The following RTN1 variants were observed in gnomAD, a reference collection of about 807,000 sequenced individuals.
RTN1 encodes the protein reticulon-1.
Under a neutral mutation model 65.5 loss-of-function variants are expected in RTN1, and 25 were observed. That is an observed-to-expected ratio of 0.38 (90% CI 0.28 to 0.53). The LOEUF is 0.53. Ranked by LOEUF, RTN1 falls within the 20% of genes least tolerant of loss-of-function variation. The pLI is 0.79. For synonymous variants in RTN1, 471 were observed against 447.6 expected (o/e 1.05, Z -0.66); for missense variants, 983 against 1,025.4 (o/e 0.96, Z 0.57).
chr14:59,812,163 G>T (rs1017290792), intron 1 of RTN1, among the ~76,000 whole-genome samples: 4 of 152,172 alleles, frequency 2.6e-5, no homozygotes, highest in African/African-American at 9.6e-5. Context: ...TCCTCAATGT[G>T]CAGTCAGTTC....
At chr14:59,627,794 C>G (rs1356366201) in intron 3 of RTN1, among the ~76,000 whole-genome samples, 1 of 146,672 alleles carries the variant, frequency 6.8e-6, no homozygotes, top group Non-Finnish European at 1.5e-5. Flanking sequence ...GTGGAGTCTT[C>G]ATGAAATATT....
At chr14:59,736,908 C>CA (rs1885012917) in intron 2 of RTN1, among the ~76,000 whole-genome samples, 1 of 152,134 alleles carries the variant, frequency 6.6e-6, no homozygotes, top group African/African-American at 2.4e-5. Context: ...GATCTAAAGA[C>CA]AAAACCACAT....
At chr14:59,859,263 G>A (rs759716441) in intron 1 of RTN1, among the ~76,000 whole-genome samples, 3 of 152,190 alleles carry the variant, frequency 2.0e-5, no homozygotes, top group Non-Finnish European at 4.4e-5. Context: ...ATTGAATCAT[G>A]GGGCAGGTCT....
rs1048901497 is a variant in RTN1 at position 59,846,322 on chromosome 14, A to C, written c.241+24068T>G. 3.9e-5 allele frequency among the ~76,000 whole-genome samples: 6 copies of C among 152,116 alleles called. No homozygotes were observed. Among genetic ancestry groups the C allele is most frequent in the African/African-American group, 1.2e-4 (5 of 41,418 alleles). On this transcript the variant is annotated intron_variant, in intron 1 of 8. Coordinates refer to ENST00000267484, the MANE Select transcript of RTN1 (RefSeq NM_021136.3). This position sits in a 1 kb window ranked among gnomAD's most constrained non-coding sequence, Gnocchi z 4.8. ...TGCTCACCTACAGCAGACATCACTC[A>C]TTAATCCCGGCATTCTTTCCACAGC...
intron 3 of RTN1, among the ~76,000 whole-genome samples, chr14:59,717,409 C>T (rs975667450): frequency 6.6e-6 from 1 of 152,064 alleles, no homozygotes; most frequent in Non-Finnish European, 1.5e-5. Flanking sequence ...AAAGTCATGC[C>T]GGTTACTCTT....
chr14:59,808,147 T>C (rs1193586671), intron 1 of RTN1, among the ~76,000 whole-genome samples: 1 of 152,252 alleles, frequency 6.6e-6, no homozygotes, highest in Non-Finnish European at 1.5e-5. Context: ...CTTATTGTTC[T>C]GTACTTAACT....
At chr14:59,710,118 C>T (rs1203080184) in intron 3 of RTN1, among the ~76,000 whole-genome samples, 2 of 150,180 alleles carry the variant, frequency 1.3e-5, no homozygotes, top group Non-Finnish European at 2.9e-5. Context: ...TCTCAGCTCA[C>T]TGAAGCCTTA....
rs573172914 is a variant in RTN1, at chr14:59,692,071, G to T, written c.1765+34848C>A. Among the ~76,000 whole-genome samples the T allele has an allele frequency of 2.6e-5, 4 of 152,240 alleles. No individual in the cohort carries two copies. The South Asian group carries it at 8.3e-4, about 32-fold the overall frequency. ...TCACCACTCCAATATAGTACTGGAA[G>T]TACTAGCCAGAGCAAACAGACAAAA... On this transcript the variant is annotated intron_variant, in intron 3 of 8. Transcript: ENST00000267484.
At chr14:59,804,371 C>T (rs1490861884) in intron 1 of RTN1, among the ~76,000 whole-genome samples, 1 of 152,128 alleles carries the variant, frequency 6.6e-6, no homozygotes, top group Admixed American at 6.6e-5. Context: ...CATGACATCG[C>T]TGGTGATATT....
At chr14:59,632,317 C>G (rs1357816124) in intron 3 of RTN1, among the ~76,000 whole-genome samples, 2 of 152,140 alleles carry the variant, frequency 1.3e-5, no homozygotes, top group Non-Finnish European at 2.9e-5. Context: ...CCCTACCTTT[C>G]CTCCCTCCTC....
intron 3 of RTN1, among the ~76,000 whole-genome samples, chr14:59,714,148 T>C (rs956819802): frequency 2.6e-5 from 4 of 151,622 alleles, no homozygotes; most frequent in African/African-American, 9.7e-5. Flanking sequence ...GGCAGGAGAA[T>C]TGCTTGAACC....
intron 1 of RTN1, among the ~76,000 whole-genome samples, chr14:59,819,205 G>A (rs939180101): frequency 8.5e-5 from 13 of 152,080 alleles, no homozygotes; most frequent in African/African-American, 2.9e-4. Context: ...GGACCTGAAA[G>A]GTGAGCAGCA....
chr14:59,651,726 T>G (rs1254919252), intron 3 of RTN1, among the ~76,000 whole-genome samples: 2 of 151,610 alleles, frequency 1.3e-5, no homozygotes, highest in Admixed American at 6.6e-5. Context: ...TGACAGAGAC[T>G]CCATCTCAAA....
chr14:59,701,274 T>C (rs1884172046), intron 3 of RTN1, among the ~76,000 whole-genome samples: 2 of 152,186 alleles, frequency 1.3e-5, no homozygotes, highest in Non-Finnish European at 2.9e-5. Context: ...CTTCTCAAAA[T>C]GTTAAACATA....
chr14:59,749,486 TATATCTATATATATCTATATATAG>T (rs1885356686), intron 1 of RTN1, among the ~76,000 whole-genome samples: 3 of 73,320 alleles, frequency 4.1e-5, no homozygotes, highest in African/African-American at 2.2e-4. Flanking sequence ...TATATCTATA[TATATCTATATATATCTATATATAG>T]ATATCTATAT....
chr14:59,606,460 G>A (rs1322815566), intron 4 of RTN1, among the ~76,000 whole-genome samples: 2 of 152,018 alleles, frequency 1.3e-5, no homozygotes, highest in East Asian at 3.9e-4. Context: ...TGGGATTAGT[G>A]CCCTTAGAAA....
At chr14:59,765,429 T>C (rs1003879415) in intron 1 of RTN1, among the ~76,000 whole-genome samples, 1 of 152,242 alleles carries the variant, frequency 6.6e-6, no homozygotes, top group Non-Finnish European at 1.5e-5. Context: ...GAAATGTTGA[T>C]GCTTTGATGT....
chr14:59,839,370 T>A (rs915471647), intron 1 of RTN1, among the ~76,000 whole-genome samples: 1 of 152,178 alleles, frequency 6.6e-6, no homozygotes, highest in Non-Finnish European at 1.5e-5. Context: ...ATACAATACA[T>A]AATGACTTTC....
At chr14:59,667,798 C>T (rs1883412389) in intron 3 of RTN1, among the ~76,000 whole-genome samples, 1 of 152,154 alleles carries the variant, frequency 6.6e-6, no homozygotes, top group Admixed American at 6.5e-5. Context: ...AAATCACAAG[C>T]ATTCCTCTAC....
Sources: gnomAD v4.1 joint callset for allele counts (sites outside exome capture counted in the v4.1 genomes callset) on GRCh38, gnomAD v4.1.1 for gene constraint, Gnocchi (gnomAD v3.1) non-coding constraint, MANE v1.5 for transcripts, NCBI Gene and HGNC (gene_info 2026-07-23, HGNC 2026-07-21) for gene names.